L3MBTL4: variants seen among roughly 807,000 people sequenced by gnomAD.
The protein encoded by L3MBTL4 is L3MBTL histone methyl-lysine binding protein 4, also known as lethal(3)malignant brain tumor-like protein 4.
In L3MBTL4, 70 loss-of-function variants were observed where a neutral mutation model predicts 84.5. That is an observed-to-expected ratio of 0.83 (90% CI 0.68 to 1.01). The LOEUF is 1.01. Ranked by LOEUF, L3MBTL4 falls within the 50% of genes least tolerant of loss-of-function variation. L3MBTL4 has a pLI of 0.00. For missense variants in L3MBTL4, 715 were observed against 754.8 expected, an observed-to-expected ratio of 0.95 and a Z score of 0.62; for synonymous variants, 274 against 259.8, an observed-to-expected ratio of 1.05 and a Z score of -0.52.
At chr18:6,334,410 C>G (rs956357368) in intron 1 of L3MBTL4, among the ~76,000 whole-genome samples, 2 of 152,006 alleles carry the variant, frequency 1.3e-5, no homozygotes, top group African/African-American at 2.4e-5. Context: ...GACTCTAAGT[C>G]AAAAGTGATT....
intron 14 of L3MBTL4, among the ~76,000 whole-genome samples, chr18:6,123,404 T>C (rs1037561193): frequency 3.3e-5 from 5 of 152,286 alleles, no homozygotes; most frequent in Non-Finnish European, 7.4e-5. Context: ...TGGGAGGTAA[T>C]TGAATCATGG....
At chr18:6,117,287 G>T (rs923479746) in intron 14 of L3MBTL4, among the ~76,000 whole-genome samples, 1 of 152,230 alleles carries the variant, frequency 6.6e-6, no homozygotes, top group African/African-American at 2.4e-5. Flanking sequence ...CAGGATGAGG[G>T]AGTCATGATT....
Position 6,311,631 on chromosome 18 carries a change from C to T in L3MBTL4, c.-6G>A, listed in dbSNP as rs1474589160. The T allele has an allele frequency of 6.2e-7, 1 of 1,612,040 alleles. No individual in the cohort carries two copies. Among genetic ancestry groups the T allele is most frequent in the Non-Finnish European group, 8.5e-7 (1 of 1,178,412 alleles). ...TTCCTGTTGGGCTGTTTCATTGCCA[C>T]CCCCGCACTCCTTGGCAGTGGTTTT... On this transcript the variant is annotated 5_prime_UTR_variant, in exon 3 of 19. The change creates a new upstream start codon in the 5' untranslated region. Transcript: ENST00000317931.
In L3MBTL4 at chr18:6,113,464, CAAAA is replaced by C. The variant is rs34482524; in HGVS notation, c.1200-19940_1200-19937del. 1.5e-3 allele frequency among the ~76,000 whole-genome samples: 167 copies of C among 113,790 alleles called. 1 individual carries two copies. Among genetic ancestry groups the C allele is most frequent in the African/African-American group, 4.2e-3 (128 of 30,842 alleles). 74.7% of individuals were successfully genotyped at this position (113,790 alleles called of 152,430 possible). Reference sequence around the variant, plus strand: ...TGTATTAATTGGAGGCAAGTGTGGGCAAAAAAAAAAAAAAAAAAAGCAAATAAAA... The same window carrying C: ...TGTATTAATTGGAGGCAAGTGTGGGCAAAAAAAAAAAAAAAGCAAATAAAA... On this transcript the variant is annotated intron_variant, in intron 14 of 18. Transcript: ENST00000317931.
At chr18:6,404,415 G>C (rs1416663193) in intron 1 of L3MBTL4, among the ~76,000 whole-genome samples, 1 of 152,172 alleles carries the variant, frequency 6.6e-6, no homozygotes, top group African/African-American at 2.4e-5. Flanking sequence ...TGTATACCTG[G>C]CAGGGGAGGA....
At chr18:5,980,235 C>T (rs1357244465) in intron 16 of L3MBTL4, among the ~76,000 whole-genome samples, 1 of 152,168 alleles carries the variant, frequency 6.6e-6, no homozygotes, top group Admixed American at 6.5e-5. Flanking sequence ...CTCCCTGCAC[C>T]CTGCAGACAG....
chr18:6,311,564 T>C lies in L3MBTL4; in HGVS notation c.62A>G (p.Asp21Gly), dbSNP rs1239951875. The change falls in exon 3 of 19, where the codon GAC becomes GGC. Residue 21 changes from aspartate (D) to glycine (G), a missense_variant. Coordinates refer to ENST00000317931, the MANE Select transcript of L3MBTL4 (RefSeq NM_001330559.2). ...GGATGGACATCTTACCAAGCGTCCG[T>C]CCTGATCCAAACGCTCTTTGGAATC... is the stretch of plus-strand genomic sequence containing the variant. Reference protein sequence around the residue: ...NMDSKERLDQDGRLEQAEEEK... With the variant: ...NMDSKERLDQGGRLEQAEEEK... 6.2e-7 allele frequency: 1 copy of C among 1,613,194 alleles called. No individual in the cohort carries two copies. The highest frequency in any genetic ancestry group is 2.2e-5 in the East Asian group (1 of 44,804).
chr18:6,390,680 T>C (rs990894951), intron 1 of L3MBTL4, among the ~76,000 whole-genome samples: 1 of 152,114 alleles, frequency 6.6e-6, no homozygotes, highest in Non-Finnish European at 1.5e-5. Flanking sequence ...CAAAAAATCC[T>C]TCGAGACTGC....
At chr18:6,019,810 G>GA (rs2055169808) in intron 16 of L3MBTL4, among the ~76,000 whole-genome samples, 2 of 152,140 alleles carry the variant, frequency 1.3e-5, no homozygotes, top group Non-Finnish European at 2.9e-5. Context: ...TCCAGACAAA[G>GA]TTAGCCACTC....
intron 16 of L3MBTL4, among the ~76,000 whole-genome samples, chr18:6,071,349 C>T (rs1157012631): frequency 6.6e-6 from 1 of 150,514 alleles, no homozygotes; most frequent in Non-Finnish European, 1.5e-5. Context: ...CAGGATTACA[C>T]CACTGCACTT....
chr18:6,383,501 T>C (rs1038991157), intron 1 of L3MBTL4, among the ~76,000 whole-genome samples: 1 of 152,162 alleles, frequency 6.6e-6, no homozygotes, highest in African/African-American at 2.4e-5. Flanking sequence ...AAGTGCAGTA[T>C]CTGGGCTGGA....
intron 1 of L3MBTL4, among the ~76,000 whole-genome samples, chr18:6,318,790 T>C (rs571079218): frequency 6.6e-6 from 1 of 152,154 alleles, no homozygotes; most frequent in East Asian, 1.9e-4. Flanking sequence ...AGCTAACATA[T>C]ATTTATAGAA....
intron 16 of L3MBTL4, among the ~76,000 whole-genome samples, chr18:6,042,036 C>T (rs948653713): frequency 3.3e-5 from 5 of 152,092 alleles, no homozygotes; most frequent in South Asian, 2.1e-4. Flanking sequence ...TGAACCATTT[C>T]GAACTTCCGC....
chr18:6,314,453 T>C (rs1003940650), intron 1 of L3MBTL4, among the ~76,000 whole-genome samples: 1 of 152,204 alleles, frequency 6.6e-6, no homozygotes, highest in African/African-American at 2.4e-5. Flanking sequence ...TCCTCTGGCT[T>C]TGTGACAATG....
chr18:6,204,126 C>T (rs1196512307), intron 12 of L3MBTL4, among the ~76,000 whole-genome samples: 1 of 128,318 alleles, frequency 7.8e-6, no homozygotes, highest in Non-Finnish European at 1.7e-5. Context: ...CCACTCCATC[C>T]TCTGTGTTTA....
At chr18:6,269,515 T>C (rs2048777725) in intron 4 of L3MBTL4, among the ~76,000 whole-genome samples, 1 of 152,072 alleles carries the variant, frequency 6.6e-6, no homozygotes, top group African/African-American at 2.4e-5. Context: ...ACAATATATA[T>C]TTATAGCCAA....
chr18:6,020,953 A>G (rs1425287272), intron 16 of L3MBTL4, among the ~76,000 whole-genome samples: 1 of 152,206 alleles, frequency 6.6e-6, no homozygotes, highest in African/African-American at 2.4e-5. Context: ...CTGGGAGAGA[A>G]GAGAGCTCCA....
Position 6,311,752 on chromosome 18 carries a change from A to G in L3MBTL4, c.-31-96T>C. 6 of 719,838 alleles carry G rather than the reference A, an allele frequency of 8.3e-6. No homozygotes were observed. In the East Asian group the frequency reaches 1.5e-4, roughly 18 times the overall value. 44.6% of individuals were successfully genotyped at this position (719,838 alleles called of 1,614,324 possible). On this transcript the variant is annotated intron_variant, in intron 2 of 18. Coordinates refer to ENST00000317931, the MANE Select transcript of L3MBTL4 (RefSeq NM_001330559.2). ...GAAAATGCTTTCAATTATACTTCTC[A>G]TAGTTGGTTACTATAAATAACCTGA...
At chr18:6,168,089 G>T (rs1001325668) in intron 13 of L3MBTL4, among the ~76,000 whole-genome samples, 6 of 152,032 alleles carry the variant, frequency 3.9e-5, no homozygotes, top group Admixed American at 1.3e-4. Context: ...GCTTCAAAGA[G>T]AATAAAATAA....
Sources: allele counts gnomAD v4.1 joint callset (sites outside exome capture counted in the v4.1 genomes callset), GRCh38; gene constraint gnomAD v4.1.1; transcripts MANE v1.5; gene names NCBI Gene and HGNC (gene_info 2026-07-23, HGNC 2026-07-21).